Variants in TEX46 observed in about 807,000 individuals in gnomAD.
TEX46 encodes testis expressed 46.
Under a neutral mutation model 5.3 loss-of-function variants are expected in TEX46, and 6 were observed. That is an observed-to-expected ratio of 1.13 (90% CI 0.62 to 2.23). The LOEUF is 2.23. TEX46 is among the 30% of genes most tolerant of loss of function. The probability of loss-of-function intolerance (pLI) is 0.00; values close to 1 mark genes in which losing one functional copy is unlikely to be tolerated. For synonymous variants in TEX46, 41 were observed against 54.6 expected, an observed-to-expected ratio of 0.75 and a Z score of 1.10; for missense variants, 131 against 150.9, an observed-to-expected ratio of 0.87 and a Z score of 0.69.
At chr1:23,013,408 A>G (rs1641378349) in intron 2 of TEX46, among the ~76,000 whole-genome samples, 1 of 149,270 alleles carries the variant, frequency 6.7e-6, no homozygotes, top group African/African-American at 2.5e-5. Flanking sequence ...CCTGACTTCA[A>G]GTGATCCACC....
At chr1:23,013,785 C>T in intron 2 of TEX46, 98 bp downstream of exon 2, 3 of 1,115,154 alleles carry the variant, frequency 2.7e-6, no homozygotes, top group East Asian at 5.2e-5. Flanking sequence ...CCCAGTCTTG[C>T]CCCATTATTT....
rs1280782868 is a variant in TEX46, at chr1:23,013,923, A to G, written c.125T>C (p.Val42Ala). 1 of 1,536,066 alleles carries G rather than the reference A, an allele frequency of 6.5e-7. No individual in the cohort carries two copies. The highest frequency in any genetic ancestry group is 2.0e-5 in the Admixed American group (1 of 50,998). The change falls in exon 2 of 3, where the codon GTC (valine) becomes GCC (alanine). Residue 42 changes from valine to alanine, a missense_variant. Val to Ala is a moderately conservative substitution (Grantham distance 64). Transcript: ENST00000566855. The stretch of plus-strand genomic sequence containing the variant: ...GAGGGTGAGCTTGTGTTCATACTTG[A>G]CCAACCAGTTGCTAAGCAACAGCAG... ...FLLLLLSNWL[V>A]KYEHKLTLPE...
chr1:23,013,575 A>AT (rs950224818), intron 2 of TEX46, among the ~76,000 whole-genome samples: 2 of 152,028 alleles, frequency 1.3e-5, no homozygotes, highest in South Asian at 2.1e-4. Flanking sequence ...GTCCATGTTA[A>AT]TTTTTTTTAT....
chr1:23,014,543 TTTA>T (rs1474880307), intron 1 of TEX46, among the ~76,000 whole-genome samples: 1 of 151,992 alleles, frequency 6.6e-6, no homozygotes, highest in African/African-American at 2.4e-5. Context: ...ACATTAATTT[TTTA>T]TTTATTATTA....
At chr1:23,011,314 G>A in intron 2 of TEX46, 1 of 483,906 alleles carries the variant, frequency 2.1e-6, no homozygotes, top group Non-Finnish European at 3.7e-6. Context: ...TCTTAACAGA[G>A]TCTCACAACT....
intron 1 of TEX46, among the ~76,000 whole-genome samples, chr1:23,015,436 CAAAAAAAAAAAA>C (rs61258225): frequency 2.5e-4 from 7 of 27,776 alleles, no homozygotes; most frequent in Admixed American, 8.0e-4. Context: ...GACTCCTTCT[CAAAAAAAAAAAA>C]AAAAAAAAAA....
At chr1:23,011,891 T>C (rs6650086) in intron 2 of TEX46, among the ~76,000 whole-genome samples, 67,464 of 152,030 alleles carry the variant, frequency 0.44, 15,455 homozygotes, top group East Asian at 0.55. Flanking sequence ...CCAACATGCC[T>C]CTCTGAGCAT....
intron 1 of TEX46, among the ~76,000 whole-genome samples, chr1:23,015,537 T>G (rs1641408875): frequency 6.8e-6 from 1 of 146,806 alleles, no homozygotes; most frequent in Non-Finnish European, 1.5e-5. Flanking sequence ...CTTGAAGAGA[T>G]ATTTGTAGAC....
At chr1:23,015,643 G>A (rs1569578539) in intron 1 of TEX46, 129 bp downstream of exon 1, 3 of 600,686 alleles carry the variant, frequency 5.0e-6, no homozygotes, top group East Asian at 2.8e-5. Flanking sequence ...TTATATACAC[G>A]CAATATTACC....
intron 1 of TEX46, among the ~76,000 whole-genome samples, chr1:23,014,679 G>A (rs1641396480): frequency 6.6e-6 from 1 of 151,108 alleles, no homozygotes; most frequent in South Asian, 2.1e-4. Flanking sequence ...TCAGCCTCCT[G>A]AGTAGCTAAG....
At chr1:23,012,115 C>A (rs1265565969) in intron 2 of TEX46, among the ~76,000 whole-genome samples, 1 of 151,890 alleles carries the variant, frequency 6.6e-6, no homozygotes, top group Non-Finnish European at 1.5e-5. Context: ...CTTCGAAGGC[C>A]GAGGCAGGAG....
In TEX46 at chr1:23,011,067, A is replaced by T. The variant is rs1442389265; in HGVS notation, c.200T>A (p.Met67Lys). The T allele has an allele frequency of 3.4e-5, 52 of 1,535,870 alleles. No individual in the cohort carries two copies. In the East Asian group the frequency reaches 1.3e-3, roughly 38 times the overall value. Residue 67 changes from methionine (M) to lysine (K), a missense_variant, in exon 3 of 3, where the codon ATG becomes AAG. Coordinates refer to ENST00000566855, the MANE Select transcript of TEX46 (RefSeq NM_001242521.2). ...CTGATTTTCTAGGACCTTCATCTTC[A>T]TTTCACTGAACAACAGCCGTTGGAG... Reference protein sequence around the residue: ...EILQRLLFSEMKMKVLENQMF... With the variant: ...EILQRLLFSEKKMKVLENQMF...
chr1:23,013,479 G>GT (rs531898718), intron 2 of TEX46, among the ~76,000 whole-genome samples: 1 of 152,146 alleles, frequency 6.6e-6, no homozygotes, highest in African/African-American at 2.4e-5. Context: ...AGCCTAGCAT[G>GT]TTTTTTAACA....
intron 1 of TEX46, among the ~76,000 whole-genome samples, chr1:23,015,355 G>C (rs982388128): frequency 1.4e-5 from 2 of 140,338 alleles, no homozygotes; most frequent in Non-Finnish European, 3.0e-5. Context: ...AGAATTGCTG[G>C]AACCCAGGAG....
intron 1 of TEX46, among the ~76,000 whole-genome samples, chr1:23,015,435 T>TAAAA (rs1641405962): frequency 3.4e-5 from 1 of 29,778 alleles, no homozygotes; most frequent in African/African-American, 1.6e-4. Context: ...AGACTCCTTC[T>TAAAA]CAAAAAAAAA....
chr1:23,015,777 C>G lies in TEX46; in HGVS notation c.-4G>C. On this transcript the variant is annotated 5_prime_UTR_variant, in exon 1 of 3. Coordinates refer to ENST00000566855, the MANE Select transcript of TEX46 (RefSeq NM_001242521.2). ...TACCGTATGATTCCACTTACATGAG[C>G]TATCTACAATAGTCAAATTCATAGA... 1 of 698,102 alleles carries G rather than the reference C, an allele frequency of 1.4e-6. No homozygotes were observed. Among genetic ancestry groups the G allele is most frequent in the South Asian group, 1.5e-5 (1 of 66,890 alleles). 43.2% of individuals were successfully genotyped at this position (698,102 alleles called of 1,614,324 possible).
At chr1:23,012,368 A>G (rs1569575247) in intron 2 of TEX46, among the ~76,000 whole-genome samples, 2 of 152,068 alleles carry the variant, frequency 1.3e-5, no homozygotes, top group South Asian at 4.1e-4. Flanking sequence ...TAAAAAAAAA[A>G]AAAGGTTAAC....
intron 2 of TEX46, among the ~76,000 whole-genome samples, chr1:23,011,671 C>A (rs866215481): frequency 6.6e-6 from 1 of 152,156 alleles, no homozygotes; most frequent in Admixed American, 6.5e-5. Context: ...GTGATCTGCC[C>A]GCCTTGGCCT....
intron 1 of TEX46, among the ~76,000 whole-genome samples, chr1:23,014,907 A>C (rs1007153290): frequency 6.6e-6 from 1 of 151,872 alleles, no homozygotes. Flanking sequence ...CACTGGTACC[A>C]TCTTGGCTCC....
Sources: allele counts gnomAD v4.1 joint callset (sites outside exome capture counted in the v4.1 genomes callset), GRCh38; gene constraint gnomAD v4.1.1; transcripts MANE v1.5; gene names NCBI Gene and HGNC (gene_info 2026-07-23, HGNC 2026-07-21).